The following METTL9 variants were observed in gnomAD, a reference collection of about 807,000 sequenced individuals.
METTL9 encodes the protein protein-L-histidine N-pros-methyltransferase.
In METTL9, 10 loss-of-function variants were observed where a neutral mutation model predicts 36.0. The ratio of observed to expected loss-of-function variants is 0.28; its 90% CI spans 0.17 to 0.47. The LOEUF (loss-of-function observed/expected upper bound fraction) is 0.47. METTL9 is among the 20% of genes least tolerant of loss of function. The probability of loss-of-function intolerance (pLI) is 0.99; values close to 1 mark genes in which losing one functional copy is unlikely to be tolerated. For synonymous variants in METTL9, 175 were observed against 149.7 expected (o/e 1.17, Z -1.23); for missense variants, 246 against 383.5 (o/e 0.64, Z 3.00).
intron 1 of METTL9, among the ~76,000 whole-genome samples, chr16:21,610,197 A>G (rs551257398): frequency 2.0e-4 from 30 of 152,256 alleles, no homozygotes; most frequent in African/African-American, 6.5e-4. Flanking sequence ...TCTACTTTCT[A>G]TCTCTGGATT....
intron 4 of METTL9, among the ~76,000 whole-genome samples, chr16:21,631,431 A>G (rs1488933241): frequency 6.6e-6 from 1 of 152,252 alleles, no homozygotes; most frequent in Non-Finnish European, 1.5e-5. Context: ...GAATTGGTAT[A>G]GATGGCTCCT....
At chr16:21,652,268 TAAG>T (rs1372472113) in intron 4 of METTL9, 1 of 325,436 alleles carries the variant, frequency 3.1e-6, no homozygotes, top group African/African-American at 2.1e-5. Flanking sequence ...CCTACGATTT[TAAG>T]AATATTTTCA....
At chr16:21,652,766 G>T in intron 4 of METTL9, 1 of 537,248 alleles carries the variant, frequency 1.9e-6, no homozygotes, top group South Asian at 3.3e-5. Flanking sequence ...TTGAGATTTT[G>T]GCCTGGAGCA....
intron 4 of METTL9, chr16:21,643,426 G>T (rs1966330349): frequency 7.3e-6 from 5 of 680,712 alleles, no homozygotes. Context: ...GCAGTTGAAA[G>T]TTACCTTGAT....
chr16:21,622,183 C>T (rs551663274), intron 3 of METTL9, among the ~76,000 whole-genome samples: 17 of 81,750 alleles, frequency 2.1e-4, no homozygotes, highest in African/African-American at 7.1e-4. Flanking sequence ...CTTGCTTTGT[C>T]GTCCAGGCTG....
At chr16:21,602,319 G>A (rs529317761) in intron 1 of METTL9, among the ~76,000 whole-genome samples, 17 of 152,282 alleles carry the variant, frequency 1.1e-4, no homozygotes, top group Admixed American at 8.5e-4. Context: ...ATGTTTATTC[G>A]TTAAAAATGG....
Position 21,656,349 on chromosome 16 carries a change from T to C in METTL9, c.*917T>C, listed in dbSNP as rs1442089810. On this transcript the variant is annotated 3_prime_UTR_variant, in exon 5 of 5. Coordinates refer to ENST00000358154, the MANE Select transcript of METTL9 (RefSeq NM_016025.5). ...CTGACAAAATGCAACTAAAAATGTT[T>C]TAATTCAACTTCTTACTCTACACTT... The C allele has an allele frequency of 6.6e-6, 1 of 152,166 alleles. No individual in the cohort carries two copies. The highest frequency in any genetic ancestry group is 1.5e-5 in the Non-Finnish European group (1 of 68,032). 9.4% of individuals were successfully genotyped at this position (152,166 alleles called of 1,614,324 possible). A position where few individuals can be genotyped will look rare whatever the true frequency, so the allele number is the denominator to read the frequency against.
Position 21,624,940 on chromosome 16 carries a change from T to C in METTL9, c.576T>C (p.Gly192=). 1 of 1,613,982 alleles carries C rather than the reference T, an allele frequency of 6.2e-7. No individual in the cohort carries two copies. Among genetic ancestry groups the C allele is most frequent in the East Asian group, 2.2e-5 (1 of 44,884 alleles). ...TTTCTGATTTTTCTAGAGTCCTTGG[T>C]ATAAATGAATGGCAGAATACGGGGT... The part of the protein sequence containing the change: ...QLQKKKYRVL[G]INEWQNTGFQ... The change falls in exon 4 of 5, where the codon GGT becomes GGC. Residue 192 remains glycine (G), a synonymous_variant. Transcript: ENST00000358154.
rs1242082233 is a variant in METTL9, at chr16:21,630,276, G to GGCCTGCCGAGCCTGC, written c.751+5165_751+5179dup. Among the ~76,000 whole-genome samples the GGCCTGCCGAGCCTGC allele has an allele frequency of 6.6e-5, 10 of 152,340 alleles. No individual in the cohort carries two copies. The South Asian group carries it at 1.9e-3, about 28-fold the overall frequency. On this transcript the variant is annotated intron_variant, in intron 4 of 4. Transcript: ENST00000358154. ...CGCTGGCTGGTGGCGCCAAGTGCGGGGCCTGCCGAGCCTGCGCCCACCCGG... is the reference window on the plus strand; with the variant it reads ...CGCTGGCTGGTGGCGCCAAGTGCGGGGCCTGCCGAGCCTGCGCCTGCCGAGCCTGCGCCCACCCGG...
intron 4 of METTL9, among the ~76,000 whole-genome samples, chr16:21,646,171 G>T (rs566295257): frequency 6.7e-6 from 1 of 149,484 alleles, no homozygotes; most frequent in African/African-American, 2.5e-5. Flanking sequence ...TTTTTTTCTC[G>T]GGAATGTCTT....
At chr16:21,612,623 C>CTTTTTTTTTTTTTTTTTTTTTTTTT (rs576885895) in intron 1 of METTL9, 22 bp from the exon 2 acceptor site, 1 of 1,034,364 alleles carries the variant, frequency 9.7e-7, no homozygotes, top group Non-Finnish European at 1.2e-6. Flanking sequence ...AATTTTTGTT[C>CTTTTTTTTTTTTTTTTTTTTTTTTT]TTTTTTTTTT....
At chr16:21,629,835 C>G (rs1034703478) in intron 4 of METTL9, among the ~76,000 whole-genome samples, 40 of 152,218 alleles carry the variant, frequency 2.6e-4, no homozygotes, top group African/African-American at 9.4e-4. Context: ...GCTGATTGGT[C>G]CATTTTACAG....
At chr16:21,627,070 A>G (rs542005771) in intron 4 of METTL9, 1 of 985,388 alleles carries the variant, frequency 1.0e-6, no homozygotes, top group Admixed American at 6.1e-5. Context: ...CAGACCTGAG[A>G]CAAGAAGCCT....
chr16:21,642,076 C>T (rs1404787701), intron 4 of METTL9: 1 of 152,312 alleles, frequency 6.6e-6, no homozygotes, highest in Non-Finnish European at 1.5e-5. Flanking sequence ...GCAGCACATA[C>T]ACTAAAATTG....
chr16:21,637,522 C>T (rs1276531209), intron 4 of METTL9, among the ~76,000 whole-genome samples: 2 of 152,258 alleles, frequency 1.3e-5, no homozygotes, highest in African/African-American at 4.8e-5. Flanking sequence ...CCCCACCCGA[C>T]TCAGAAGCCC....
At chr16:21,613,229 A>G (rs149351350) in intron 2 of METTL9, among the ~76,000 whole-genome samples, 87 of 126,036 alleles carry the variant, frequency 6.9e-4, no homozygotes, top group African/African-American at 2.6e-3. Flanking sequence ...TCTGTTTCCC[A>G]GACTGGAGTG....
At chr16:21,615,791 CTG>C (rs1965541208) in intron 2 of METTL9, among the ~76,000 whole-genome samples, 1 of 152,178 alleles carries the variant, frequency 6.6e-6, no homozygotes, top group Admixed American at 6.5e-5. Context: ...TGACTGGTTT[CTG>C]TGTTAAATTT....
chr16:21,643,539 G>C, intron 4 of METTL9: 2 of 1,569,266 alleles, frequency 1.3e-6, no homozygotes, highest in Non-Finnish European at 1.7e-6. Flanking sequence ...TTCAAGTGTT[G>C]GTCTGTACCT....
At chr16:21,652,609 G>GC (rs749223817) in intron 4 of METTL9, 46 of 1,605,566 alleles carry the variant, frequency 2.9e-5, no homozygotes, top group Non-Finnish European at 3.7e-5. Flanking sequence ...TTCTGTGTAT[G>GC]CCGGGGCGGG....
Sources: gnomAD v4.1 joint callset for allele counts (sites outside exome capture counted in the v4.1 genomes callset) on GRCh38, gnomAD v4.1.1 for gene constraint, MANE v1.5 for transcripts, NCBI Gene and HGNC (gene_info 2026-07-23, HGNC 2026-07-21) for gene names.